The following RPS6KA2 variants were observed in gnomAD, a reference collection of about 807,000 sequenced individuals.
RPS6KA2 encodes the protein ribosomal protein S6 kinase A2.
In RPS6KA2, 42 loss-of-function variants were observed where a neutral mutation model predicts 91.8. The ratio of observed to expected loss-of-function variants is 0.46; its 90% CI spans 0.36 to 0.59. The LOEUF (loss-of-function observed/expected upper bound fraction) is 0.59. RPS6KA2 is among the 20% of genes least tolerant of loss of function. The probability of loss-of-function intolerance (pLI) is 0.00; values close to 1 mark genes in which losing one functional copy is unlikely to be tolerated. For synonymous variants in RPS6KA2, 414 were observed against 393.6 expected, an observed-to-expected ratio of 1.05 and a Z score of -0.61; for missense variants, 798 against 978.5, an observed-to-expected ratio of 0.82 and a Z score of 2.46.
At chr6:166,546,170 A>G (rs1226894012) in intron 1 of RPS6KA2, among the ~76,000 whole-genome samples, 1 of 152,176 alleles carries the variant, frequency 6.6e-6, no homozygotes, top group Non-Finnish European at 1.5e-5. Flanking sequence ...ATGAGACGGT[A>G]GCTACTGACT....
At chr6:166,585,080 G>A (rs115898938) in intron 1 of RPS6KA2, among the ~76,000 whole-genome samples, 16,875 of 152,126 alleles carry the variant, frequency 0.11, 3,131 homozygotes, top group African/African-American at 0.39. Context: ...TGGTGACGAT[G>A]TTGCTACAAC....
intron 3 of RPS6KA2, among the ~76,000 whole-genome samples, chr6:166,529,268 G>A (rs1783173394): frequency 6.6e-6 from 1 of 152,200 alleles, no homozygotes; most frequent in Admixed American, 6.5e-5. Context: ...CATATGGTTT[G>A]TAGGGACATG....
At chr6:166,457,491 T>TTC (rs1341804482) in intron 12 of RPS6KA2, among the ~76,000 whole-genome samples, 1 of 152,154 alleles carries the variant, frequency 6.6e-6, no homozygotes, top group African/African-American at 2.4e-5. Flanking sequence ...CCCAGAAGTG[T>TTC]TCTCCAAGGC....
chr6:166,417,935 AGAGT>A (rs1263213035), intron 19 of RPS6KA2, among the ~76,000 whole-genome samples: 1 of 151,786 alleles, frequency 6.6e-6, no homozygotes, highest in African/African-American at 2.4e-5. Flanking sequence ...AAAATACAAA[AGAGT>A]TAGTCGGGTG....
intron 1 of RPS6KA2, among the ~76,000 whole-genome samples, chr6:166,547,695 T>A (rs1783874184): frequency 6.6e-6 from 1 of 152,268 alleles, no homozygotes; most frequent in South Asian, 2.1e-4. Flanking sequence ...AAACAGTAAT[T>A]GTGCCTTATA....
At chr6:166,772,023 TTA>T (rs899069849) in intron 2 of RPS6KA2, among the ~76,000 whole-genome samples, 1 of 152,192 alleles carries the variant, frequency 6.6e-6, no homozygotes, top group African/African-American at 2.4e-5. Flanking sequence ...TCTGTTTGTT[TTA>T]TGTTCCCAAC....
chr6:166,507,985 AC>A (rs372015266), intron 5 of RPS6KA2, among the ~76,000 whole-genome samples: 12 of 137,568 alleles, frequency 8.7e-5, no homozygotes, highest in South Asian at 2.4e-4. Flanking sequence ...CAGTCTCGCA[AC>A]CCCCCACCAC....
intron 1 of RPS6KA2, among the ~76,000 whole-genome samples, chr6:166,568,401 A>C (rs776512237): frequency 7.2e-5 from 11 of 152,188 alleles, no homozygotes; most frequent in Middle Eastern, 3.4e-3. Context: ...ATCACCTGAG[A>C]TCAGGAATTC....
At chr6:166,613,501 C>T (rs1453038738) in intron 1 of RPS6KA2, among the ~76,000 whole-genome samples, 15 of 152,222 alleles carry the variant, frequency 9.9e-5, no homozygotes, top group Admixed American at 5.9e-4. Context: ...CCCTGCTTCA[C>T]GGTCACGCCT....
At chr6:166,675,296 G>T (rs1316428199) in intron 2 of RPS6KA2, among the ~76,000 whole-genome samples, 1 of 152,184 alleles carries the variant, frequency 6.6e-6, no homozygotes, top group Non-Finnish European at 1.5e-5. Flanking sequence ...CAGTGGGGAA[G>T]CCCCTGCAGT....
chr6:166,746,229 C>CT (rs1474715473), intron 2 of RPS6KA2, among the ~76,000 whole-genome samples: 2 of 152,196 alleles, frequency 1.3e-5, no homozygotes, highest in Non-Finnish European at 2.9e-5. Flanking sequence ...CAACACCGAG[C>CT]TTTCCTCTGA....
chr6:166,586,088 A>T, intron 1 of RPS6KA2: 2 of 1,181,356 alleles, frequency 1.7e-6, no homozygotes, highest in African/African-American at 3.2e-5. Flanking sequence ...GTAACAGAGT[A>T]AATGCTTTTA....
At chr6:166,696,270 G>A (rs976299166) in intron 2 of RPS6KA2, among the ~76,000 whole-genome samples, 5 of 152,094 alleles carry the variant, frequency 3.3e-5, no homozygotes, top group African/African-American at 4.8e-5. Flanking sequence ...AGCTGGGTGC[G>A]GACTGAATCA....
intron 2 of RPS6KA2, among the ~76,000 whole-genome samples, chr6:166,780,759 A>T (rs1017693050): frequency 2.0e-5 from 3 of 152,208 alleles, no homozygotes; most frequent in Admixed American, 2.0e-4. Context: ...CACCTGTAGA[A>T]AATACATAAT....
At chr6:166,837,136 GGT>G (rs1377892948) in intron 2 of RPS6KA2, among the ~76,000 whole-genome samples, 1 of 152,180 alleles carries the variant, frequency 6.6e-6, no homozygotes, top group Non-Finnish European at 1.5e-5. Context: ...GGAGGTGCGT[GGT>G]GAGGCCAGGG....
chr6:166,681,707 C>CCCA (rs1562380218), intron 2 of RPS6KA2, among the ~76,000 whole-genome samples: 1 of 126,932 alleles, frequency 7.9e-6, no homozygotes, highest in Non-Finnish European at 1.7e-5. Context: ...CCCCCGCCCC[C>CCCA]GCCCAAGATC....
At position 166,857,589 on chromosome 6, in the gene RPS6KA2, T is replaced by C. The variant is rs887647774; in HGVS notation, c.123+611A>G. 5.3e-5 allele frequency among the ~76,000 whole-genome samples: 8 copies of C among 152,246 alleles called. No individual in the cohort carries two copies. In the East Asian group the frequency reaches 1.3e-3, roughly 26 times the overall value. On this transcript the variant is annotated intron_variant, in intron 2 of 21. Coordinates refer to the RPS6KA2 transcript ENST00000503859. The stretch of plus-strand genomic sequence containing the variant: ...GCTGCCTGGATCAGGCCCATGCTCC[T>C]GCACAGCATGAAAATGAAGAAATGC...
intron 12 of RPS6KA2, among the ~76,000 whole-genome samples, chr6:166,457,701 A>G (rs946197108): frequency 1.3e-5 from 2 of 152,102 alleles, no homozygotes; most frequent in Non-Finnish European, 2.9e-5. Context: ...AGGCCCATCA[A>G]AAGTCCCGCT....
At chr6:166,550,837 C>A (rs1009674525) in intron 1 of RPS6KA2, among the ~76,000 whole-genome samples, 4 of 151,674 alleles carry the variant, frequency 2.6e-5, no homozygotes, top group Non-Finnish European at 5.9e-5. Flanking sequence ...CCCGTCTCTA[C>A]TAAAATACAA....
Sources: allele counts gnomAD v4.1 joint callset (sites outside exome capture counted in the v4.1 genomes callset), GRCh38; gene constraint gnomAD v4.1.1; transcripts MANE v1.5; gene names NCBI Gene and HGNC (gene_info 2026-07-23, HGNC 2026-07-21).